NKAIN2: variants seen among roughly 807,000 people sequenced by gnomAD.
NKAIN2 encodes sodium/potassium-transporting ATPase subunit beta-1-interacting protein 2.
Under a neutral mutation model 32.6 loss-of-function variants are expected in NKAIN2, and 14 were observed. The ratio of observed to expected loss-of-function variants is 0.43; its 90% confidence interval spans 0.28 to 0.67. The LOEUF (loss-of-function observed/expected upper bound fraction) is 0.67, where lower values mean the gene tolerates loss of function less well. Ranked by LOEUF, NKAIN2 falls within the 30% of genes least tolerant of loss-of-function variation. The pLI is 0.17. For missense variants in NKAIN2, 198 were observed against 258.3 expected (o/e 0.77, Z 1.60); for synonymous variants, 80 against 87.2 (o/e 0.92, Z 0.46).
chr6:123,976,496 T>C (rs1311245256), intron 1 of NKAIN2, among the ~76,000 whole-genome samples: 6 of 148,708 alleles, frequency 4.0e-5, no homozygotes, highest in Admixed American at 1.4e-4. Context: ...CAGCATGGGC[T>C]GGCAGGCTGG....
At chr6:124,626,117 C>T (rs1189866837) in intron 3 of NKAIN2, among the ~76,000 whole-genome samples, 6 of 134,452 alleles carry the variant, frequency 4.5e-5, no homozygotes, top group Admixed American at 3.1e-4. Context: ...CAACAGTCCC[C>T]AGGGTGACCA....
intron 1 of NKAIN2, among the ~76,000 whole-genome samples, chr6:123,907,382 TATC>T (rs1004850324): frequency 1.3e-5 from 2 of 152,190 alleles, no homozygotes; most frequent in African/African-American, 4.8e-5. Context: ...ATAATAGACT[TATC>T]ATAATATCAT....
intron 4 of NKAIN2, among the ~76,000 whole-genome samples, chr6:124,770,516 G>A (rs1227186853): frequency 6.6e-6 from 1 of 152,112 alleles, no homozygotes; most frequent in Non-Finnish European, 1.5e-5. Context: ...TAAGGGTTTT[G>A]TCTGCCTTTT....
At chr6:124,447,989 T>C (rs1235572464) in intron 3 of NKAIN2, among the ~76,000 whole-genome samples, 1 of 152,134 alleles carries the variant, frequency 6.6e-6, no homozygotes, top group Non-Finnish European at 1.5e-5. Context: ...TTAAGTATGG[T>C]GTCTCCAGTT....
At chr6:124,409,818 G>A (rs1342639646) in intron 3 of NKAIN2, among the ~76,000 whole-genome samples, 1 of 152,082 alleles carries the variant, frequency 6.6e-6, no homozygotes, top group Non-Finnish European at 1.5e-5. Context: ...GAATCCATCT[G>A]GTCCTGGACT....
At chr6:124,315,216 C>G (rs114163041) in intron 2 of NKAIN2, among the ~76,000 whole-genome samples, 1 of 152,156 alleles carries the variant, frequency 6.6e-6, no homozygotes, top group East Asian at 1.9e-4. Flanking sequence ...ATCAACAAGT[C>G]TTGCATCTTG....
rs117391313 is a variant in NKAIN2 at position 123,962,727 on chromosome 6, C to T, written c.54+158473C>T. ...CACAACCCCACACATTATGTAACCA[C>T]GCCACGTGAGGCACATTAGGTGATC... On this transcript the variant is annotated intron_variant, in intron 1 of 6. Coordinates refer to ENST00000368417, the MANE Select transcript of NKAIN2 (RefSeq NM_001040214.3). Among the ~76,000 whole-genome samples the T allele has an allele frequency of 6.5e-3, 995 of 152,234 alleles. 7 individuals are homozygous for T. The highest frequency in any genetic ancestry group is 9.6e-3 in the Non-Finnish European group (656 of 68,020).
intron 3 of NKAIN2, among the ~76,000 whole-genome samples, chr6:124,495,466 A>T (rs1308251660): frequency 2.0e-5 from 3 of 151,992 alleles, no homozygotes; most frequent in African/African-American, 7.2e-5. Context: ...TACTATGCGT[A>T]TGAATCACCT....
intron 1 of NKAIN2, among the ~76,000 whole-genome samples, chr6:124,218,772 C>G (rs1377195079): frequency 6.6e-6 from 1 of 152,040 alleles, no homozygotes; most frequent in Non-Finnish European, 1.5e-5. Context: ...TTTTAAATAC[C>G]AGTTACTAGT....
chr6:124,246,244 A>G (rs1206515471), intron 1 of NKAIN2, among the ~76,000 whole-genome samples: 1 of 152,062 alleles, frequency 6.6e-6, no homozygotes, highest in East Asian at 1.9e-4. Context: ...CACTAGGTTG[A>G]TCATTTAAAT....
intron 1 of NKAIN2, among the ~76,000 whole-genome samples, chr6:123,959,923 ATATGTG>A (rs1043359705): frequency 4.0e-5 from 5 of 124,880 alleles, no homozygotes; most frequent in Admixed American, 8.3e-5. Flanking sequence ...TGTCTTCCAT[ATATGTG>A]TGTGTGTGTG....
At chr6:124,409,366 C>T (rs1393699992) in intron 3 of NKAIN2, among the ~76,000 whole-genome samples, 1 of 151,968 alleles carries the variant, frequency 6.6e-6, no homozygotes, top group Non-Finnish European at 1.5e-5. Context: ...GAGATACGTC[C>T]CATCAATAAC....
At chr6:123,833,727 TTC>T (rs1774487125) in intron 1 of NKAIN2, among the ~76,000 whole-genome samples, 1 of 84,024 alleles carries the variant, frequency 1.2e-5, no homozygotes, top group Non-Finnish European at 2.6e-5. Flanking sequence ...GTGTGTGTGT[TTC>T]CTGTGGATTT....
chr6:124,134,149 G>C (rs1786615854), intron 1 of NKAIN2, among the ~76,000 whole-genome samples: 1 of 150,862 alleles, frequency 6.6e-6, no homozygotes, highest in South Asian at 2.1e-4. Context: ...TAAGGATGTT[G>C]GTGAAAATTT....
chr6:124,280,498 G>C (rs1021174638), intron 1 of NKAIN2, among the ~76,000 whole-genome samples: 1 of 152,142 alleles, frequency 6.6e-6, no homozygotes, highest in Admixed American at 6.6e-5. Context: ...GTAACTTCAA[G>C]ATAATCACTT....
rs964524116 is a variant in NKAIN2, at chr6:124,311,557, A to G, written c.192+28415A>G. Among the ~76,000 whole-genome samples, 9 of 152,206 alleles carry G rather than the reference A, an allele frequency of 5.9e-5. 1 individual carries two copies. Among genetic ancestry groups the G allele is most frequent in the African/African-American group, 1.9e-4 (8 of 41,456 alleles). On this transcript the variant is annotated intron_variant, in intron 2 of 6. Coordinates refer to ENST00000368417, the MANE Select transcript of NKAIN2 (RefSeq NM_001040214.3). The stretch of plus-strand genomic sequence containing the variant: ...GGAAATTTCAAATAAGTCAGTTTCT[A>G]AAGATTACATCTACTACGTTTACTT...
chr6:123,838,430 G>A (rs1352512918), intron 1 of NKAIN2, among the ~76,000 whole-genome samples: 2 of 152,052 alleles, frequency 1.3e-5, no homozygotes, highest in Non-Finnish European at 2.9e-5. Context: ...GATCAAGAGA[G>A]CAATAAACCA....
intron 1 of NKAIN2, among the ~76,000 whole-genome samples, chr6:124,010,234 T>A (rs1780264112): frequency 6.6e-6 from 1 of 152,036 alleles, no homozygotes; most frequent in African/African-American, 2.4e-5. Flanking sequence ...TAATAAGACT[T>A]CACTTTCCCC....
chr6:124,467,353 T>C (rs1419522138), intron 3 of NKAIN2, among the ~76,000 whole-genome samples: 2 of 152,120 alleles, frequency 1.3e-5, no homozygotes, highest in East Asian at 1.9e-4. Flanking sequence ...TTTCACATGA[T>C]ATAGGACTAC....
Sources: gnomAD v4.1 joint callset for allele counts (sites outside exome capture counted in the v4.1 genomes callset) on GRCh38, gnomAD v4.1.1 for gene constraint, MANE v1.5 for transcripts, NCBI Gene and HGNC (gene_info 2026-07-23, HGNC 2026-07-21) for gene names.